The following ERI1 variants were observed in gnomAD, a reference collection of about 807,000 sequenced individuals.
ERI1 encodes 3'-5' exoribonuclease 1.
Under a neutral mutation model 39.7 loss-of-function variants are expected in ERI1, and 39 were observed. The observed-to-expected ratio is 0.98, with a 90% CI of 0.76 to 1.28. ERI1 has a LOEUF of 1.28. ERI1 is among the 50% of genes most tolerant of loss of function. The pLI is 0.00. For synonymous variants in ERI1, 204 were observed against 149.6 expected (o/e 1.36, Z -2.65); for missense variants, 581 against 416.9 (o/e 1.39, Z -3.43).
chr8:9,024,501 A>T (rs776148911), intron 6 of ERI1, among the ~76,000 whole-genome samples: 3 of 151,788 alleles, frequency 2.0e-5, no homozygotes, highest in Non-Finnish European at 2.9e-5. Flanking sequence ...GTTCACTGCA[A>T]CCTGCGCCTC....
intron 3 of ERI1, among the ~76,000 whole-genome samples, chr8:9,093,903 A>G (rs1200208267): frequency 6.6e-6 from 1 of 152,214 alleles, no homozygotes; most frequent in Non-Finnish European, 1.5e-5. Context: ...TATTTTGTCA[A>G]TGGAAGAGCT....
At chr8:9,033,574 C>CGAT (rs1554522226), downstream of ERI1, among the ~76,000 whole-genome samples, 1 of 152,006 alleles carries the variant, frequency 6.6e-6, no homozygotes, top group Non-Finnish European at 1.5e-5. Context: ...TGTTAAGGTA[C>CGAT]AATGATACTT....
chr8:9,020,914 T>A (rs1035376979), intron 6 of ERI1, among the ~76,000 whole-genome samples: 2 of 152,160 alleles, frequency 1.3e-5, no homozygotes, highest in African/African-American at 2.4e-5. Context: ...AAGCTCTGTT[T>A]TTGTTTTTGT....
At chr8:9,059,866 A>G (rs151067443) in intron 3 of ERI1, among the ~76,000 whole-genome samples, 21,444 of 152,128 alleles carry the variant, frequency 0.14, 1,651 homozygotes, top group African/African-American at 0.18. Flanking sequence ...TAGACAGAAG[A>G]TAGTAGGGAT....
chr8:9,020,871 C>A (rs191149122), intron 6 of ERI1, among the ~76,000 whole-genome samples: 31 of 152,150 alleles, frequency 2.0e-4, no homozygotes, highest in African/African-American at 7.5e-4. Context: ...AGAACTGGTT[C>A]CTGTTCTGAG....
At chr8:9,055,733 G>T (rs190253766) in intron 3 of ERI1, among the ~76,000 whole-genome samples, 1 of 152,152 alleles carries the variant, frequency 6.6e-6, no homozygotes, top group Non-Finnish European at 1.5e-5. Context: ...TACAGATGGG[G>T]TTTTGCCATG....
chr8:9,034,396 T>C (rs1162531066), downstream of ERI1, among the ~76,000 whole-genome samples: 1 of 152,272 alleles, frequency 6.6e-6, no homozygotes, highest in Non-Finnish European at 1.5e-5. Flanking sequence ...GTGTGAATCC[T>C]GTGTGGAGAA....
chr8:9,035,052 A>G (rs550349069), downstream of ERI1, among the ~76,000 whole-genome samples: 5 of 152,362 alleles, frequency 3.3e-5, no homozygotes, highest in Middle Eastern at 3.4e-3. Flanking sequence ...GAGGGAGGTA[A>G]GGAAGCTGCA....
intron 3 of ERI1, among the ~76,000 whole-genome samples, chr8:9,063,021 C>G (rs1798756789): frequency 1.3e-5 from 2 of 152,150 alleles, no homozygotes; most frequent in South Asian, 4.1e-4. Flanking sequence ...GGAATTGCAA[C>G]TCAGAAATAT....
intron 3 of ERI1, among the ~76,000 whole-genome samples, chr8:9,057,024 G>A (rs1392878911): frequency 6.6e-6 from 1 of 152,222 alleles, no homozygotes; most frequent in African/African-American, 2.4e-5. Flanking sequence ...ATAGAGGTGG[G>A]GTTTCAACAC....
intron 1 of ERI1, among the ~76,000 whole-genome samples, chr8:9,005,265 T>C (rs1263002947): frequency 1.3e-5 from 2 of 152,188 alleles, no homozygotes; most frequent in Non-Finnish European, 2.9e-5. Context: ...TAATAGCATT[T>C]CCAGAACATG....
chr8:9,033,778 C>G (rs1797746152), downstream of ERI1, among the ~76,000 whole-genome samples: 1 of 151,780 alleles, frequency 6.6e-6, no homozygotes, highest in African/African-American at 2.4e-5. Context: ...TATCTCTGTG[C>G]TATGCTGCCT....
chr8:9,024,407 C>CTCTTT (rs535713484), intron 6 of ERI1, among the ~76,000 whole-genome samples: 4,792 of 151,146 alleles, frequency 0.032, 105 homozygotes, highest in Middle Eastern at 0.041. Flanking sequence ...CTTCTTTTTT[C>CTCTTT]TCTTTTCTTT....
chr8:9,037,906 A>AAG (rs1417170460), downstream of ERI1, among the ~76,000 whole-genome samples: 1 of 151,568 alleles, frequency 6.6e-6, no homozygotes, highest in Non-Finnish European at 1.5e-5. Flanking sequence ...AAAAAAAAAA[A>AAG]AAATCTGCTC....
intron 3 of ERI1, among the ~76,000 whole-genome samples, chr8:9,012,121 T>G (rs1435761657): frequency 6.6e-6 from 1 of 152,192 alleles, no homozygotes; most frequent in Non-Finnish European, 1.5e-5. Flanking sequence ...ACATCAGCAT[T>G]TTTTTGAAGC....
downstream of ERI1, among the ~76,000 whole-genome samples, chr8:9,033,537 C>G (rs902664332): frequency 6.7e-6 from 1 of 149,942 alleles, no homozygotes; most frequent in African/African-American, 2.5e-5. Context: ...ACAAGAAATG[C>G]GACTGTGATG....
At chr8:9,033,360 A>T (rs1797722829), downstream of ERI1, 2 of 152,182 alleles carry the variant, frequency 1.3e-5, no homozygotes, top group South Asian at 4.1e-4. Flanking sequence ...ATTTGTTTTC[A>T]TGTCATCTCT....
intron 2 of ERI1, among the ~76,000 whole-genome samples, chr8:9,009,618 C>G (rs527772489): frequency 6.6e-6 from 1 of 152,158 alleles, no homozygotes; most frequent in South Asian, 2.1e-4. Flanking sequence ...CGGCTCACTG[C>G]AACCTCCGAC....
chr8:9,093,493 G>A (rs1799774843), intron 3 of ERI1, among the ~76,000 whole-genome samples: 1 of 134,166 alleles, frequency 7.5e-6, no homozygotes, highest in South Asian at 2.3e-4. Context: ...TGGAAGGGAA[G>A]ACCTTGTCTC....
Sources: allele counts gnomAD v4.1 joint callset (sites outside exome capture counted in the v4.1 genomes callset), GRCh38; gene constraint gnomAD v4.1.1; transcripts MANE v1.5; gene names NCBI Gene and HGNC (gene_info 2026-07-23, HGNC 2026-07-21).